The following DDRGK1 variants were observed in gnomAD, a reference collection of about 807,000 sequenced individuals.
The protein encoded by DDRGK1 is DDRGK domain containing 1.
In DDRGK1, 38 loss-of-function variants were observed where a neutral mutation model predicts 45.8. That is an observed-to-expected ratio of 0.83 (90% CI 0.64 to 1.09). The LOEUF is 1.09. Among genes scored for constraint, DDRGK1 ranks in the 50% least tolerant of loss-of-function variants. DDRGK1 has a pLI of 0.00. For missense variants in DDRGK1, 403 were observed against 419.9 expected (o/e 0.96, Z 0.35); for synonymous variants, 171 against 168.7 (o/e 1.01, Z -0.11).
At position 3,204,538 on chromosome 20, in the gene DDRGK1, T is replaced by A; in HGVS notation, c.90A>T (p.Ser30=). ...FLTRSRGRAA[S]AGQEPLHNEE... ...CCCTGGTGCAGCGGCATCTCCTACC[T>A]GATGCCGCCCGGCCCCGGCTGCGAG... The change falls in exon 1 of 9, where the codon TCA becomes TCT. Residue 30 remains serine, a splice_region_variant and synonymous_variant. Transcript: ENST00000354488. 1 of 1,559,926 alleles carries A rather than the reference T, an allele frequency of 6.4e-7. No individual in the cohort carries two copies. Among genetic ancestry groups the A allele is most frequent in the Non-Finnish European group, 8.6e-7 (1 of 1,159,490 alleles).
chr20:3,191,078 C>A, intron 8 of DDRGK1, 112 bp downstream of exon 8: 3 of 1,418,282 alleles, frequency 2.1e-6, no homozygotes, highest in Admixed American at 1.9e-5. Flanking sequence ...TCCTTGCACA[C>A]CCCTCCCCCC....
intron 4 of DDRGK1, among the ~76,000 whole-genome samples, chr20:3,199,001 G>A (rs1471408902): frequency 3.1e-5 from 2 of 64,122 alleles, no homozygotes; most frequent in African/African-American, 1.2e-4. Context: ...AAAAAAATTA[G>A]CCAGGCATGG....
At chr20:3,194,517 A>G (rs2067001684) in intron 6 of DDRGK1, among the ~76,000 whole-genome samples, 1 of 152,206 alleles carries the variant, frequency 6.6e-6, no homozygotes, top group South Asian at 2.1e-4. Context: ...CTGACAGAAA[A>G]CACATGTGAA....
chr20:3,197,576 A>G (rs1316299533), intron 4 of DDRGK1, among the ~76,000 whole-genome samples: 1 of 152,192 alleles, frequency 6.6e-6, no homozygotes, highest in Non-Finnish European at 1.5e-5. Context: ...TAACCATGAG[A>G]AAAACATCAA....
At chr20:3,191,548 C>A in intron 7 of DDRGK1, 1 of 742,784 alleles carries the variant, frequency 1.3e-6, no homozygotes, top group Non-Finnish European at 2.4e-6. Context: ...CAGGGGCTGG[C>A]AGAGTGATGG....
At chr20:3,202,768 C>G (rs1038503682) in intron 2 of DDRGK1, among the ~76,000 whole-genome samples, 1 of 152,210 alleles carries the variant, frequency 6.6e-6, no homozygotes, top group Non-Finnish European at 1.5e-5. Context: ...CTCTCCTGGT[C>G]TCCTGGAAGC....
At chr20:3,191,556 T>A in intron 7 of DDRGK1, 1 of 757,428 alleles carries the variant, frequency 1.3e-6, no homozygotes, top group Non-Finnish European at 2.4e-6. Context: ...GGCAGAGTGA[T>A]GGGGTTTGGG....
intron 4 of DDRGK1, 26 bp from the exon 5 acceptor site, chr20:3,195,379 G>T (rs6084293): frequency 6.4e-7 from 1 of 1,570,268 alleles, no homozygotes; most frequent in Admixed American, 1.8e-5. Context: ...GCAAAAGTCA[G>T]GTATCGGGGG....
intron 6 of DDRGK1, among the ~76,000 whole-genome samples, chr20:3,194,345 C>T (rs1038835941): frequency 5.9e-5 from 9 of 152,354 alleles, no homozygotes; most frequent in Admixed American, 2.6e-4. Flanking sequence ...AGCATCGAGG[C>T]GGCCTGCGCA....
At chr20:3,199,906 C>T in intron 4 of DDRGK1, 95 bp downstream of exon 4, 1 of 1,185,838 alleles carries the variant, frequency 8.4e-7, no homozygotes, top group Non-Finnish European at 1.2e-6. Context: ...GGTCTATGGC[C>T]CACCTTCTAG....
chr20:3,196,416 G>T (rs370942378), intron 4 of DDRGK1, among the ~76,000 whole-genome samples: 2 of 152,226 alleles, frequency 1.3e-5, no homozygotes, highest in Non-Finnish European at 2.9e-5. Flanking sequence ...GGTGGCTCAC[G>T]CCTGTAATCC....
chr20:3,195,185 G>A, intron 5 of DDRGK1, 46 bp downstream of exon 5: 1 of 1,613,388 alleles, frequency 6.2e-7, no homozygotes. Flanking sequence ...GGCACAGGCT[G>A]CACTGATGGG....
chr20:3,197,224 G>GAAAAAAAAAAAAAA (rs34672443), intron 4 of DDRGK1, among the ~76,000 whole-genome samples: 1 of 74,564 alleles, frequency 1.3e-5, no homozygotes, highest in East Asian at 4.4e-4. Flanking sequence ...CTCCATCTCA[G>GAAAAAAAAAAAAAA]AAAAAAAAAA....
chr20:3,191,682 A>T, intron 7 of DDRGK1, 83 bp downstream of exon 7: 2 of 1,454,244 alleles, frequency 1.4e-6, no homozygotes, highest in Non-Finnish European at 1.9e-6. Flanking sequence ...GTGCATCAAG[A>T]CTCTATCTTT....
chr20:3,200,406 C>A lies in DDRGK1; in HGVS notation c.344G>T (p.Gly115Val). 1 of 1,584,808 alleles carries A rather than the reference C, an allele frequency of 6.3e-7. No individual in the cohort carries two copies. The highest frequency in any genetic ancestry group is 1.2e-5 in the South Asian group (1 of 86,308). The change falls in exon 3 of 9, where the codon GGG (glycine) becomes GTG (valine). Residue 115 changes from glycine (G) to valine (V), a missense_variant. Gly to Val is a moderately radical substitution (Grantham distance 109). Transcript: ENST00000354488. The part of the protein sequence containing the change: ...VEKPAETHLS[G>V]KIGAKKLRKL... ...CCGCAGTTTCTTAGCTCCAATTTTC[C>A]CCGACAGGTGAGTTTCCGCTGGCTT...
In DDRGK1 at chr20:3,190,645, G is replaced by A; in HGVS notation, c.*8C>T. On this transcript the variant is annotated 3_prime_UTR_variant, in exon 9 of 9. Coordinates refer to ENST00000354488, the MANE Select transcript of DDRGK1 (RefSeq NM_023935.3). ...ACCAACTCTGAGTCCAAGAGGGAAG[G>A]ACTGGGGTCAGGCTGGGGCTTGGGC... 6.2e-7 allele frequency: 1 copy of A among 1,613,362 alleles called. No homozygotes were observed. The highest frequency in any genetic ancestry group is 8.5e-7 in the Non-Finnish European group (1 of 1,179,916).
At chr20:3,203,031 AG>A (rs2067047269) in intron 2 of DDRGK1, among the ~76,000 whole-genome samples, 181 bp downstream of exon 2, 1 of 151,924 alleles carries the variant, frequency 6.6e-6, no homozygotes, top group African/African-American at 2.4e-5. Flanking sequence ...AGATGAAGGT[AG>A]GGGGGGTTGA....
Position 3,199,981 on chromosome 20 carries a change from A to T in DDRGK1, c.510+20T>A. On this transcript the variant is annotated intron_variant, in intron 4 of 8. Coordinates refer to ENST00000354488, the MANE Select transcript of DDRGK1 (RefSeq NM_023935.3). The stretch of plus-strand genomic sequence containing the variant: ...CTTGCCTGGTCAAGGGTCAGAGGTC[A>T]GGGTAGGGGCTGGCCTCACCTTCTG... The T allele has an allele frequency of 6.3e-7, 1 of 1,592,168 alleles. No homozygotes were observed. The highest frequency in any genetic ancestry group is 8.5e-7 in the Non-Finnish European group (1 of 1,170,966).
intron 7 of DDRGK1, 74 bp from the exon 8 acceptor site, chr20:3,191,312 A>G: frequency 6.7e-7 from 1 of 1,493,940 alleles, no homozygotes; most frequent in South Asian, 1.1e-5. Context: ...CCTCCCTCCC[A>G]CTACAGCCAA....
Sources: allele counts gnomAD v4.1 joint callset (sites outside exome capture counted in the v4.1 genomes callset), GRCh38; gene constraint gnomAD v4.1.1; transcripts MANE v1.5; gene names NCBI Gene and HGNC (gene_info 2026-07-23, HGNC 2026-07-21).